The following PDCD1LG2 variants were observed in gnomAD, a reference collection of about 807,000 sequenced individuals.
The protein encoded by PDCD1LG2 is programmed cell death 1 ligand 2, also known as B7 dendritic cell molecule.
Under a neutral mutation model 28.2 loss-of-function variants are expected in PDCD1LG2, and 32 were observed. The observed-to-expected ratio is 1.13, with a 90% CI of 0.86 to 1.52. PDCD1LG2 has a LOEUF of 1.52. Among genes scored for constraint, PDCD1LG2 ranks in the 40% most tolerant of loss-of-function variants. The probability of loss-of-function intolerance (pLI) is 0.00; values close to 1 mark genes in which losing one functional copy is unlikely to be tolerated. For missense variants in PDCD1LG2, 385 were observed against 323.8 expected (o/e 1.19, Z -1.45); for synonymous variants, 116 against 120.2 (o/e 0.97, Z 0.23).
intron 1 of PDCD1LG2, among the ~76,000 whole-genome samples, chr9:5,516,312 A>G (rs570168940): frequency 6.6e-6 from 1 of 152,228 alleles, no homozygotes; most frequent in African/African-American, 2.4e-5. Flanking sequence ...CGGCCTCCCA[A>G]GTGCTGGGAT....
rs1386414645 is a variant in PDCD1LG2, at chr9:5,563,190, A to G, written c.795A>G (p.Thr265=). 6.2e-7 allele frequency: 1 copy of G among 1,612,668 alleles called. No individual in the cohort carries two copies. Among genetic ancestry groups the G allele is most frequent in the African/African-American group, 1.3e-5 (1 of 74,900 alleles). Residue 265 remains threonine (T), a synonymous_variant, in exon 6 of 7, where the codon ACA becomes ACG. Transcript: ENST00000397747. The stretch of plus-strand genomic sequence containing the variant: ...CAACAAAAAGACCTGTCACCACAAC[A>G]AAGAGGGAAGTGAACAGTGCTGTGA... ...KDTTKRPVTT[T]KREVNSAI
chr9:5,533,651 G>A (rs1399189716), intron 2 of PDCD1LG2, among the ~76,000 whole-genome samples: 1 of 152,110 alleles, frequency 6.6e-6, no homozygotes, highest in African/African-American at 2.4e-5. Flanking sequence ...ACTCCCTTTA[G>A]GCTTTGATTC....
chr9:5,569,782 G>C lies in PDCD1LG2; in HGVS notation c.817-172G>C, dbSNP rs753937913. ...GAGAGAAGCTGAAGACTTGGACTAGGGCAATGGTAAAAACTGTGGAAAGAA... is the reference window on the plus strand; with the variant it reads ...GAGAGAAGCTGAAGACTTGGACTAGCGCAATGGTAAAAACTGTGGAAAGAA... On this transcript the variant is annotated intron_variant, in intron 6 of 6. Transcript: ENST00000397747. This position sits in a 1 kb window ranked among gnomAD's most constrained non-coding sequence, Gnocchi z 4.1. Among the ~76,000 whole-genome samples, 1 of 152,114 alleles carries C rather than the reference G, an allele frequency of 6.6e-6. No individual in the cohort carries two copies. Among genetic ancestry groups the C allele is most frequent in the East Asian group, 1.9e-4 (1 of 5,204 alleles).
intron 6 of PDCD1LG2, among the ~76,000 whole-genome samples, 193 bp downstream of exon 6, chr9:5,563,404 T>C (rs1273105919): frequency 1.3e-5 from 2 of 152,192 alleles, no homozygotes; most frequent in African/African-American, 4.8e-5. Context: ...TTTTGCTCGG[T>C]CTATATTCCT....
At chr9:5,567,334 C>T (rs1816685640) in intron 6 of PDCD1LG2, among the ~76,000 whole-genome samples, 1 of 152,226 alleles carries the variant, frequency 6.6e-6, no homozygotes, top group Non-Finnish European at 1.5e-5. Flanking sequence ...AGAAATGGAG[C>T]TAGAACTCAG....
At chr9:5,521,191 T>G (rs1304713815) in intron 1 of PDCD1LG2, among the ~76,000 whole-genome samples, 1 of 152,020 alleles carries the variant, frequency 6.6e-6, no homozygotes, top group Non-Finnish European at 1.5e-5. Flanking sequence ...ACTAGATTAG[T>G]GGTTGCCAAG....
intron 6 of PDCD1LG2, among the ~76,000 whole-genome samples, chr9:5,563,535 A>T (rs980874086): frequency 6.6e-6 from 1 of 152,258 alleles, no homozygotes; most frequent in Non-Finnish European, 1.5e-5. Flanking sequence ...ATGTTTTTGC[A>T]ACAAACAATG....
At chr9:5,517,488 A>G (rs1006834534) in intron 1 of PDCD1LG2, among the ~76,000 whole-genome samples, 2 of 152,226 alleles carry the variant, frequency 1.3e-5, no homozygotes, top group Non-Finnish European at 2.9e-5. Context: ...GGTCCTTTAA[A>G]GCATGGGGTC....
At chr9:5,538,298 G>A (rs531504812) in intron 3 of PDCD1LG2, among the ~76,000 whole-genome samples, 1 of 151,838 alleles carries the variant, frequency 6.6e-6, no homozygotes, top group African/African-American at 2.4e-5. Flanking sequence ...TCTTTTGTTT[G>A]TAAGAGCTTA....
chr9:5,541,877 G>A (rs12341331), intron 3 of PDCD1LG2, among the ~76,000 whole-genome samples: 23,112 of 151,890 alleles, frequency 0.15, 2,302 homozygotes, highest in African/African-American at 0.27. Flanking sequence ...CCAAAGCAAG[G>A]AAGACTAAGC....
chr9:5,533,857 C>T (rs1450096459), intron 2 of PDCD1LG2, among the ~76,000 whole-genome samples: 1 of 151,356 alleles, frequency 6.6e-6, no homozygotes, highest in African/African-American at 2.4e-5. Context: ...AAACAGGTTT[C>T]ACGGTCATGT....
At chr9:5,515,691 GA>G (rs1820143723) in intron 1 of PDCD1LG2, among the ~76,000 whole-genome samples, 1 of 152,032 alleles carries the variant, frequency 6.6e-6, no homozygotes, top group Non-Finnish European at 1.5e-5. Context: ...TTGGGAGGCC[GA>G]GGCGGGTGGA....
chr9:5,512,120 G>T (rs1820072097), intron 1 of PDCD1LG2, among the ~76,000 whole-genome samples: 1 of 152,162 alleles, frequency 6.6e-6, no homozygotes, highest in Admixed American at 6.5e-5. Flanking sequence ...CAATACATTG[G>T]ACAGCAACCA....
chr9:5,528,428 A>G (rs555425383), intron 2 of PDCD1LG2, among the ~76,000 whole-genome samples: 1 of 151,502 alleles, frequency 6.6e-6, no homozygotes, highest in Admixed American at 6.6e-5. Flanking sequence ...CAGACTCTGT[A>G]GTAACTGGGA....
chr9:5,534,160 A>T (rs1448824313), intron 2 of PDCD1LG2, among the ~76,000 whole-genome samples: 2 of 152,144 alleles, frequency 1.3e-5, no homozygotes, highest in African/African-American at 2.4e-5. Flanking sequence ...CAGTGAGACG[A>T]TGTGTTAGCA....
intron 2 of PDCD1LG2, among the ~76,000 whole-genome samples, chr9:5,526,339 C>G (rs1321361336): frequency 2.0e-5 from 3 of 152,124 alleles, no homozygotes; most frequent in Non-Finnish European, 2.9e-5. Context: ...TTTGTCAGCT[C>G]CCCAGAAATG....
intron 2 of PDCD1LG2, 53 bp from the exon 3 acceptor site, chr9:5,534,692 C>G (rs2129791137): frequency 6.6e-7 from 1 of 1,504,820 alleles, no homozygotes; most frequent in South Asian, 1.3e-5. Flanking sequence ...TTCGTAAGAA[C>G]TGGAATGTAA....
intron 5 of PDCD1LG2, among the ~76,000 whole-genome samples, chr9:5,559,130 C>A (rs1816506901): frequency 6.6e-6 from 1 of 152,182 alleles, no homozygotes; most frequent in African/African-American, 2.4e-5. Flanking sequence ...AATGGAGTCA[C>A]ACTCAAAGAT....
chr9:5,519,678 C>G (rs147296995), intron 1 of PDCD1LG2, among the ~76,000 whole-genome samples: 58 of 152,300 alleles, frequency 3.8e-4, no homozygotes, highest in African/African-American at 1.4e-3. Flanking sequence ...ATTTACATCT[C>G]TACCCCAACT....
Sources: gnomAD v4.1 joint callset for allele counts (sites outside exome capture counted in the v4.1 genomes callset) on GRCh38, gnomAD v4.1.1 for gene constraint, Gnocchi (gnomAD v3.1) non-coding constraint, MANE v1.5 for transcripts, NCBI Gene and HGNC (gene_info 2026-07-23, HGNC 2026-07-21) for gene names.